The following FGGY variants were observed in gnomAD, a reference collection of about 807,000 sequenced individuals.
The protein encoded by FGGY is FGGY carbohydrate kinase domain containing.
In FGGY, 72 loss-of-function variants were observed where a neutral mutation model predicts 71.3. That is an observed-to-expected ratio of 1.01 (90% CI 0.84 to 1.23). The LOEUF (loss-of-function observed/expected upper bound fraction) is 1.23, where lower values mean the gene tolerates loss of function less well. Ranked by LOEUF, FGGY falls within the 50% of genes most tolerant of loss-of-function variation. The pLI, the probability that FGGY is intolerant of heterozygous loss-of-function variation, is 0.00. For synonymous variants in FGGY, 251 were observed against 250.3 expected (o/e 1.00, Z -0.02); for missense variants, 668 against 682.3 (o/e 0.98, Z 0.23).
intron 7 of FGGY, among the ~76,000 whole-genome samples, chr1:59,523,070 T>C (rs891522522): frequency 2.0e-5 from 3 of 152,188 alleles, no homozygotes; most frequent in Non-Finnish European, 4.4e-5. Flanking sequence ...TTTGCTGAAC[T>C]GGGGAACAAA....
chr1:59,401,115 C>G (rs531971310), intron 5 of FGGY, among the ~76,000 whole-genome samples: 2 of 152,234 alleles, frequency 1.3e-5, no homozygotes, highest in South Asian at 4.1e-4. Flanking sequence ...AGCTAATACT[C>G]TCTTTCTTAG....
intron 11 of FGGY, 138 bp downstream of exon 11, chr1:59,638,513 C>CAAAGA: frequency 1.1e-6 from 1 of 943,132 alleles, no homozygotes; most frequent in African/African-American, 1.6e-5. Flanking sequence ...AGATGCATTG[C>CAAAGA]TGTTGCTGCT....
rs895346771 is a variant in FGGY at position 59,554,223 on chromosome 1, TG to T, written c.903+1del. 1.2e-6 allele frequency: 2 copies of T among 1,612,332 alleles called. No individual in the cohort carries two copies. Among genetic ancestry groups the T allele is most frequent in the Non-Finnish European group, 1.7e-6 (2 of 1,178,960 alleles). ...ATCTGTGGAACGTCTTCTTGTCACA[TG>T]GGGGTGAGTCCACTGAGCACAAAGG... Reference protein sequence around the residue: ...AVICGTSSCHMGISKDPIFVP... With the variant: ...AVICGTSSCHXGISKDPIFVP... On this transcript the variant is annotated frameshift_variant, in exon 8 of 16. Transcript: ENST00000303721. LOFTEE classifies it high-confidence loss of function.
intron 1 of FGGY, among the ~76,000 whole-genome samples, chr1:59,314,139 G>A (rs368681682): frequency 4.6e-5 from 7 of 152,180 alleles, no homozygotes; most frequent in African/African-American, 1.7e-4. Flanking sequence ...CTAATTTTTT[G>A]TATTTTTAGT....
At chr1:59,499,299 G>GTTTGTTTTTTTTTTTTTTTTT (rs774954925) in intron 6 of FGGY, among the ~76,000 whole-genome samples, 1 of 105,804 alleles carries the variant, frequency 9.5e-6, no homozygotes, top group African/African-American at 3.9e-5. Context: ...TACTATGTTT[G>GTTTGTTTTTTTTTTTTTTTTT]TTTTTTTTTT....
At chr1:59,707,860 T>C (rs1050512607) in intron 14 of FGGY, among the ~76,000 whole-genome samples, 1 of 152,196 alleles carries the variant, frequency 6.6e-6, no homozygotes, top group African/African-American at 2.4e-5. Flanking sequence ...TCCCAAAGCC[T>C]CTGTTTTGAA....
intron 8 of FGGY, among the ~76,000 whole-genome samples, chr1:59,570,170 G>C (rs1054723235): frequency 6.6e-6 from 1 of 152,114 alleles, no homozygotes; most frequent in Non-Finnish European, 1.5e-5. Flanking sequence ...TTGCTGGAAG[G>C]GATATATGAG....
At chr1:59,376,183 T>A (rs1343684110) in intron 4 of FGGY, among the ~76,000 whole-genome samples, 2 of 152,198 alleles carry the variant, frequency 1.3e-5, no homozygotes, top group Non-Finnish European at 2.9e-5. Flanking sequence ...TACTACTAGT[T>A]CTTAGCTGTG....
chr1:59,589,987 A>G (rs1483745501), intron 8 of FGGY, among the ~76,000 whole-genome samples: 2 of 152,110 alleles, frequency 1.3e-5, no homozygotes, highest in African/African-American at 2.4e-5. Flanking sequence ...CAAAAAATTA[A>G]TGAATCTAGG....
At chr1:59,746,540 A>G (rs2098199613) in intron 14 of FGGY, among the ~76,000 whole-genome samples, 1 of 151,924 alleles carries the variant, frequency 6.6e-6, no homozygotes, top group Non-Finnish European at 1.5e-5. Flanking sequence ...CAGGCTGGAG[A>G]GCAGTGGCAC....
chr1:59,746,568 G>T (rs1362355566), intron 14 of FGGY, among the ~76,000 whole-genome samples: 2 of 152,108 alleles, frequency 1.3e-5, no homozygotes, highest in African/African-American at 4.8e-5. Flanking sequence ...GTTCACTTCA[G>T]CCTCAACCTC....
At chr1:59,447,207 C>T (rs1430373948) in intron 5 of FGGY, among the ~76,000 whole-genome samples, 2 of 152,178 alleles carry the variant, frequency 1.3e-5, no homozygotes, top group Non-Finnish European at 2.9e-5. Context: ...AGTAGCTTTA[C>T]TTATATTAGC....
chr1:59,307,991 G>T (rs1278370623), intron 1 of FGGY, among the ~76,000 whole-genome samples: 1 of 152,158 alleles, frequency 6.6e-6, no homozygotes. Flanking sequence ...CATCCAGGGG[G>T]TCTCCAGGAA....
At chr1:59,688,789 G>A (rs550141642) in intron 14 of FGGY, among the ~76,000 whole-genome samples, 2 of 148,664 alleles carry the variant, frequency 1.3e-5, no homozygotes, top group Admixed American at 6.8e-5. Flanking sequence ...TCACTCTGTC[G>A]CCTAGGCTGG....
chr1:59,467,067 C>T (rs1451676760), intron 6 of FGGY, among the ~76,000 whole-genome samples: 2 of 152,110 alleles, frequency 1.3e-5, no homozygotes, highest in Non-Finnish European at 2.9e-5. Context: ...TTTATTGGGG[C>T]ACTATTCACA....
intron 4 of FGGY, among the ~76,000 whole-genome samples, chr1:59,363,597 A>T (rs2056026299): frequency 6.6e-6 from 1 of 152,186 alleles, no homozygotes; most frequent in Admixed American, 6.5e-5. Flanking sequence ...TCTGGAGAAG[A>T]GGCAGCAGAA....
intron 5 of FGGY, among the ~76,000 whole-genome samples, chr1:59,436,174 A>G (rs988785698): frequency 6.6e-6 from 1 of 152,004 alleles, no homozygotes; most frequent in Non-Finnish European, 1.5e-5. Context: ...TTGTCTGCAC[A>G]TCCTCCCTTG....
Position 59,712,821 on chromosome 1 carries a change from C to T in FGGY, c.1512+38688C>T, listed in dbSNP as rs187866034. 3.1e-3 allele frequency among the ~76,000 whole-genome samples: 470 copies of T among 152,316 alleles called. 4 individuals are homozygous for T. Among genetic ancestry groups the T allele is most frequent in the African/African-American group, 0.011 (440 of 41,568 alleles). ...GAGGGGCTGCCATGAAGACCTGTGA[C>T]ATGCCCTAGAGACATTTTCCTCATT... On this transcript the variant is annotated intron_variant, in intron 14 of 15. Coordinates refer to ENST00000303721, the MANE Select transcript of FGGY (RefSeq NM_018291.5).
At chr1:59,660,512 A>C (rs78037436) in intron 12 of FGGY, 9,341 of 394,924 alleles carry the variant, frequency 0.024, 282 homozygotes, top group African/African-American at 0.099. Flanking sequence ...GAAAGGAGTT[A>C]AAATCTGTGA....
Sources: gnomAD v4.1 joint callset for allele counts (sites outside exome capture counted in the v4.1 genomes callset) on GRCh38, gnomAD v4.1.1 for gene constraint, MANE v1.5 for transcripts, NCBI Gene and HGNC (gene_info 2026-07-23, HGNC 2026-07-21) for gene names.